Variants in QRICH1 observed in about 807,000 individuals in gnomAD.
The protein encoded by QRICH1 is transcriptional regulator QRICH1.
QRICH1 carries 16 observed loss-of-function variants against 87.1 expected under a neutral mutation model. That is an observed-to-expected ratio of 0.18 (90% CI 0.12 to 0.28). The LOEUF (loss-of-function observed/expected upper bound fraction) is 0.28. QRICH1 is among the 10% of genes least tolerant of loss of function. The probability of loss-of-function intolerance (pLI) is 1.00; values close to 1 mark genes in which losing one functional copy is unlikely to be tolerated. For missense variants in QRICH1, 647 were observed against 951.7 expected (o/e 0.68, Z 4.21); for synonymous variants, 367 against 368.4 (o/e 1.00, Z 0.05).
chr3:49,038,540 G>A (rs2093289715), intron 6 of QRICH1, among the ~76,000 whole-genome samples: 1 of 150,970 alleles, frequency 6.6e-6, no homozygotes, highest in South Asian at 2.1e-4. Flanking sequence ...TCAGCCTCCC[G>A]AGTAGCTGGG....
chr3:49,065,686 T>C (rs1054038080), intron 2 of QRICH1, among the ~76,000 whole-genome samples: 4 of 144,486 alleles, frequency 2.8e-5, no homozygotes, highest in African/African-American at 5.0e-5. Flanking sequence ...GTCTCTCTCT[T>C]TTTTTTTTTT....
chr3:49,092,528 TAAAAAC>T (rs2042295851), intron 1 of QRICH1: 1 of 152,110 alleles, frequency 6.6e-6, no homozygotes, highest in Admixed American at 6.6e-5. Context: ...ACTTTGTTCT[TAAAAAC>T]AATACAGTAC....
chr3:49,043,496 CA>C (rs57402124), intron 6 of QRICH1, among the ~76,000 whole-genome samples: 155 of 37,606 alleles, frequency 4.1e-3, no homozygotes, highest in African/African-American at 0.017. Context: ...AACTCTGTCT[CA>C]AAAAAAAAAA....
chr3:49,088,009 T>C lies in QRICH1; in HGVS notation c.-22+5903A>G, dbSNP rs570852369. Among the ~76,000 whole-genome samples, 13 of 151,088 alleles carry C rather than the reference T, an allele frequency of 8.6e-5. No individual in the cohort carries two copies. The South Asian group carries it at 2.7e-3, about 32-fold the overall frequency. ...CTCTGTCACCCAGGCTGGAATGCAG[T>C]GGCACAATCTCGGCTCACTGCAAGC... On this transcript the variant is annotated intron_variant, in intron 1 of 9. Transcript: ENST00000395443.
At chr3:49,089,395 AT>A (rs1417043992) in intron 1 of QRICH1, among the ~76,000 whole-genome samples, 2 of 151,954 alleles carry the variant, frequency 1.3e-5, no homozygotes, top group Non-Finnish European at 2.9e-5. Context: ...TAAAATTTGT[AT>A]TTTTCCCAAA....
Position 49,069,106 on chromosome 3 carries a change from TA to T in QRICH1, c.309+7602del, listed in dbSNP as rs67804710. Among the ~76,000 whole-genome samples the T allele has an allele frequency of 8.3e-3, 715 of 86,240 alleles. 7 individuals are homozygous for T. Among genetic ancestry groups the T allele is most frequent in the South Asian group, 0.03 (67 of 2,202 alleles). The allele number at this position is 86,240 out of a possible 152,430, so 56.6% of individuals were successfully genotyped here. A position where few individuals can be genotyped will look rare whatever the true frequency, so the allele number is the denominator to read the frequency against. On this transcript the variant is annotated intron_variant, in intron 2 of 9. Transcript: ENST00000395443. ...AATTTATTATTATTATTATTATTAT[TA>T]TTTTTTTTTTTTTTTTGAGATAGTC...
At chr3:49,073,704 T>C (rs1047988548) in intron 2 of QRICH1, among the ~76,000 whole-genome samples, 13 of 151,904 alleles carry the variant, frequency 8.6e-5, no homozygotes, top group Admixed American at 3.3e-4. Context: ...TGGAGTGCAG[T>C]GGCACGATCT....
intron 5 of QRICH1, among the ~76,000 whole-genome samples, chr3:49,045,436 A>G (rs192392686): frequency 1.3e-5 from 2 of 150,242 alleles, no homozygotes. Context: ...TATTTTATGT[A>G]TTTATTTTTT....
chr3:49,092,988 T>C (rs2042306479), intron 1 of QRICH1, among the ~76,000 whole-genome samples: 1 of 152,210 alleles, frequency 6.6e-6, no homozygotes, highest in Non-Finnish European at 1.5e-5. Flanking sequence ...ACTGGCATTT[T>C]AGAGCTCGGA....
intron 1 of QRICH1, 72 bp downstream of exon 1, chr3:49,093,840 C>CCG (rs2042328335): frequency 2.8e-6 from 1 of 361,812 alleles, no homozygotes; most frequent in Non-Finnish European, 4.9e-6. Context: ...CCCCGCCCGC[C>CCG]GTTGTGTGGG....
rs372782451 is a variant in QRICH1, at chr3:49,090,588, A to G, written c.-22+3324T>C. ...GGTTGCAGTGAGCCGAAATCGTGCT[A>G]CTGCACTCCAGCCTGGGCGACAAGA... On this transcript the variant is annotated intron_variant, in intron 1 of 9. Coordinates refer to ENST00000395443, the MANE Select transcript of QRICH1 (RefSeq NM_198880.3). 1.9e-4 allele frequency among the ~76,000 whole-genome samples: 28 copies of G among 149,766 alleles called. No homozygotes were observed. In the East Asian group the frequency reaches 5.3e-3, roughly 29 times the overall value.
chr3:49,075,981 T>C (rs2041943318), intron 2 of QRICH1, among the ~76,000 whole-genome samples: 2 of 151,986 alleles, frequency 1.3e-5, no homozygotes, highest in Admixed American at 6.6e-5. Flanking sequence ...CGGTGGCTCA[T>C]GCCTGTAATC....
At chr3:49,055,310 C>A (rs1372600059) in intron 3 of QRICH1, among the ~76,000 whole-genome samples, 1 of 152,154 alleles carries the variant, frequency 6.6e-6, no homozygotes, top group East Asian at 1.9e-4. Flanking sequence ...CCTATGCCCA[C>A]CGAGGCATAG....
At chr3:49,059,403 A>T (rs1575351438) in intron 2 of QRICH1, among the ~76,000 whole-genome samples, 1 of 148,500 alleles carries the variant, frequency 6.7e-6, no homozygotes, top group African/African-American at 2.5e-5. Context: ...CTACAGGAAC[A>T]CCACCACCAC....
chr3:49,042,481 A>G (rs923896757), intron 6 of QRICH1, among the ~76,000 whole-genome samples: 3 of 152,206 alleles, frequency 2.0e-5, no homozygotes, highest in Admixed American at 2.0e-4. Context: ...TATTCCAACT[A>G]TATGACATTC....
At chr3:49,043,870 T>C (rs941933299) in intron 6 of QRICH1, among the ~76,000 whole-genome samples, 9 of 152,140 alleles carry the variant, frequency 5.9e-5, no homozygotes, top group African/African-American at 2.2e-4. Context: ...CTGAGCACAG[T>C]AGCGCATGCC....
At chr3:49,084,272 T>C (rs1449877879) in intron 1 of QRICH1, among the ~76,000 whole-genome samples, 3 of 151,798 alleles carry the variant, frequency 2.0e-5, no homozygotes, top group Non-Finnish European at 2.9e-5. Context: ...TTTATTTTTA[T>C]TGAGACACAG....
rs544891703 is a variant in QRICH1 at position 49,067,017 on chromosome 3, G to A, written c.310-9127C>T. On this transcript the variant is annotated intron_variant, in intron 2 of 9. Coordinates refer to ENST00000395443, the MANE Select transcript of QRICH1 (RefSeq NM_198880.3). ...CATGGCACTGCACTCCAGCCTCATC[G>A]ACAGAGACTCTGTCTCAAAAAAAAA... Among the ~76,000 whole-genome samples the A allele has an allele frequency of 5.9e-5, 9 of 151,956 alleles. No individual in the cohort carries two copies. In the South Asian group the frequency reaches 1.5e-3, roughly 25 times the overall value.
rs1194035010 is a variant in QRICH1 at position 49,033,226 on chromosome 3, A to T, written c.1789T>A (p.Tyr597Asn). Residue 597 changes from tyrosine to asparagine, a missense_variant and splice_region_variant, in exon 7 of 10, where the codon TAT (tyrosine) becomes AAT (asparagine). By Grantham distance (143) the Tyr-to-Asn change is moderately radical. Around this residue, in one of 7 missense-constraint regions of QRICH1, gnomAD observed 187 missense variants for 309.5 expected, o/e 0.60. Transcript: ENST00000395443. ...DVQPRVTPLG[Y>N]VLPSHVTEEM... ...TCAGTCACGTGGCTGGGCAAGACATAGCCTAGGAGGAATAGAGTACTGTCA... is the reference window on the plus strand; with the variant it reads ...TCAGTCACGTGGCTGGGCAAGACATTGCCTAGGAGGAATAGAGTACTGTCA... 6.5e-7 allele frequency: 1 copy of T among 1,546,000 alleles called. No homozygotes were observed. Among genetic ancestry groups the T allele is most frequent in the Non-Finnish European group, 8.7e-7 (1 of 1,147,708 alleles).
Sources: gnomAD v4.1 joint callset for allele counts (sites outside exome capture counted in the v4.1 genomes callset) on GRCh38, gnomAD v4.1.1 for gene constraint, gnomAD v4.1.1 regional missense constraint, MANE v1.5 for transcripts, NCBI Gene and HGNC (gene_info 2026-07-23, HGNC 2026-07-21) for gene names.